Variants in PRR16 observed in about 807,000 individuals in gnomAD.
The protein encoded by PRR16 is proline rich 16, also known as protein Largen.
In PRR16, 6 loss-of-function variants were observed where a neutral mutation model predicts 18.2. That is an observed-to-expected ratio of 0.33 (90% CI 0.18 to 0.65). The LOEUF is 0.65. Among genes scored for constraint, PRR16 ranks in the 30% least tolerant of loss-of-function variants. PRR16 has a pLI of 0.74. For synonymous variants in PRR16, 151 were observed against 147.8 expected (o/e 1.02, Z -0.16); for missense variants, 412 against 376.6 (o/e 1.09, Z -0.78).
chr5:120,511,759 A>G (rs1406105464), intron 1 of PRR16, among the ~76,000 whole-genome samples: 1 of 152,206 alleles, frequency 6.6e-6, no homozygotes, highest in African/African-American at 2.4e-5. Context: ...AACACTAGCT[A>G]GGCAACAGAG....
chr5:120,767,411 C>G, the PRR16 span, among the ~76,000 whole-genome samples: 1 of 151,880 alleles, frequency 6.6e-6, no homozygotes, highest in South Asian at 2.1e-4. Context: ...ATTTCACAAT[C>G]CTTTCAAGCA....
the PRR16 span, among the ~76,000 whole-genome samples, chr5:120,745,865 A>ATTTTTTTTTTTTTTTTT: frequency 6.3e-5 from 8 of 127,488 alleles, 1 homozygote; most frequent in South Asian, 7.8e-4. Context: ...CGCCCGGGTA[A>ATTTTTTTTTTTTTTTTT]TTTTTTTTTT....
intron 1 of PRR16, among the ~76,000 whole-genome samples, chr5:120,676,639 G>A (rs1423461525): frequency 6.6e-6 from 1 of 151,988 alleles, no homozygotes; most frequent in African/African-American, 2.4e-5. Flanking sequence ...GTTTCAGACA[G>A]CAAAGACAGA....
chr5:120,493,107 A>C (rs1750121084), intron 1 of PRR16, among the ~76,000 whole-genome samples: 1 of 152,162 alleles, frequency 6.6e-6, no homozygotes, highest in Non-Finnish European at 1.5e-5. Context: ...TGGTAGATCT[A>C]CTTTCAGTTT....
chr5:120,514,306 T>C (rs933420987), intron 1 of PRR16, among the ~76,000 whole-genome samples: 3 of 152,154 alleles, frequency 2.0e-5, no homozygotes, highest in Non-Finnish European at 4.4e-5. Flanking sequence ...TTCCATTGTC[T>C]TGATGAATAG....
At chr5:120,736,001 G>T in the PRR16 span, among the ~76,000 whole-genome samples, 1 of 152,062 alleles carries the variant, frequency 6.6e-6, no homozygotes, top group African/African-American at 2.4e-5. Flanking sequence ...GTACACCATG[G>T]AAGGTAAGGA....
the PRR16 span, among the ~76,000 whole-genome samples, chr5:120,722,884 C>T: frequency 1.3e-5 from 2 of 151,500 alleles, no homozygotes; most frequent in South Asian, 2.1e-4. Context: ...TACAGACAGA[C>T]ATATATATAA....
At chr5:120,755,445 CTGT>C in the PRR16 span, among the ~76,000 whole-genome samples, 1 of 151,892 alleles carries the variant, frequency 6.6e-6, no homozygotes, top group Non-Finnish European at 1.5e-5. Flanking sequence ...CCATGAGTGC[CTGT>C]TGTTTAGCTC....
the PRR16 span, among the ~76,000 whole-genome samples, chr5:120,742,099 T>G: frequency 6.6e-6 from 1 of 152,096 alleles, no homozygotes; most frequent in Admixed American, 6.5e-5. Context: ...TTTGTATCAC[T>G]GTTTTAACTG....
At chr5:120,502,069 A>G (rs1407715461) in intron 1 of PRR16, among the ~76,000 whole-genome samples, 1 of 151,114 alleles carries the variant, frequency 6.6e-6, no homozygotes, top group Non-Finnish European at 1.5e-5. Flanking sequence ...TAAAAGTGTG[A>G]ATTGGAACAA....
At chr5:120,747,569 G>A in the PRR16 span, among the ~76,000 whole-genome samples, 2 of 152,118 alleles carry the variant, frequency 1.3e-5, no homozygotes, top group African/African-American at 2.4e-5. Context: ...GAGCAACATT[G>A]TGTGTTAACT....
chr5:120,644,192 A>G (rs1755517083), intron 1 of PRR16, among the ~76,000 whole-genome samples: 1 of 152,062 alleles, frequency 6.6e-6, no homozygotes, highest in Non-Finnish European at 1.5e-5. Flanking sequence ...TCTCATACTG[A>G]GATTAATTGA....
chr5:120,609,055 ATTTTC>A (rs766181048), intron 1 of PRR16, among the ~76,000 whole-genome samples: 34 of 151,760 alleles, frequency 2.2e-4, no homozygotes, highest in Non-Finnish European at 4.0e-4. Context: ...TTCTAAAAAC[ATTTTC>A]TTTTATTTCA....
the PRR16 span, among the ~76,000 whole-genome samples, chr5:120,736,537 C>CTTTTTT: frequency 1.9e-5 from 1 of 54,020 alleles, no homozygotes; most frequent in Non-Finnish European, 3.4e-5. Context: ...AGTGTAAAGG[C>CTTTTTT]TTTTTTTTTT....
intron 1 of PRR16, among the ~76,000 whole-genome samples, chr5:120,493,873 T>C (rs974497240): frequency 6.6e-6 from 1 of 152,040 alleles, no homozygotes. Flanking sequence ...TGGTTTATTC[T>C]TTTTTTTGCT....
rs141109775 is a variant in PRR16, at chr5:120,587,056, G to A, written c.160-98898G>A. 2.2e-4 allele frequency among the ~76,000 whole-genome samples: 33 copies of A among 152,250 alleles called. No individual in the cohort carries two copies. In the East Asian group the frequency reaches 5.2e-3, roughly 24 times the overall value. On this transcript the variant is annotated intron_variant, in intron 1 of 1. Coordinates refer to ENST00000407149, the MANE Select transcript of PRR16 (RefSeq NM_001300783.2). ...GAAAGTTTTAGTGATCTGGATAGAC[G>A]ATTAAACATTTCCTTAAGCCAAAAC...
chr5:120,635,672 G>A (rs1207751879), intron 1 of PRR16, among the ~76,000 whole-genome samples: 1 of 151,978 alleles, frequency 6.6e-6, no homozygotes. Context: ...ATACTGAATG[G>A]GGAAAAGTTA....
chr5:120,707,694 G>A, the PRR16 span, among the ~76,000 whole-genome samples: 1 of 152,106 alleles, frequency 6.6e-6, no homozygotes, highest in African/African-American at 2.4e-5. Context: ...ATGAAAATTT[G>A]GGTCTGCACT....
intron 1 of PRR16, among the ~76,000 whole-genome samples, chr5:120,491,329 A>G (rs1199943262): frequency 6.6e-6 from 1 of 152,178 alleles, no homozygotes; most frequent in Admixed American, 6.6e-5. Context: ...TTGAAAGTGC[A>G]TTATAAATAC....
Sources: gnomAD v4.1 joint callset for allele counts (sites outside exome capture counted in the v4.1 genomes callset) on GRCh38, gnomAD v4.1.1 for gene constraint, MANE v1.5 for transcripts, NCBI Gene and HGNC (gene_info 2026-07-23, HGNC 2026-07-21) for gene names.